SOX5: variants seen among roughly 807,000 people sequenced by gnomAD.
SOX5 encodes the protein transcription factor SOX-5.
In SOX5, 9 loss-of-function variants were observed where a neutral mutation model predicts 92.0. The observed-to-expected ratio is 0.10, with a 90% CI of 0.06 to 0.17. The LOEUF is 0.17. Ranked by LOEUF, SOX5 falls within the 10% of genes least tolerant of loss-of-function variation. SOX5 has a pLI of 1.00. For missense variants in SOX5, 642 were observed against 944.5 expected, an observed-to-expected ratio of 0.68 and a Z score of 4.20; for synonymous variants, 344 against 336.3, an observed-to-expected ratio of 1.02 and a Z score of -0.25.
chr12:24,516,965 C>G (rs71450440), intron 1 of SOX5, among the ~76,000 whole-genome samples: 3,455 of 152,160 alleles, frequency 0.023, 53 homozygotes, highest in Middle Eastern at 0.051. Context: ...TAGAATTAGT[C>G]TAAAAATCTT....
chr12:24,443,244 C>T (rs1051368652), intron 1 of SOX5, among the ~76,000 whole-genome samples: 15 of 152,302 alleles, frequency 9.8e-5, no homozygotes, highest in Middle Eastern at 3.4e-3. Flanking sequence ...TGAGCCACCA[C>T]GCCCGGCCAG....
intron 1 of SOX5, among the ~76,000 whole-genome samples, chr12:24,376,359 C>T (rs1244475680): frequency 6.6e-5 from 10 of 152,144 alleles, no homozygotes; most frequent in South Asian, 2.1e-4. Context: ...CAGGGTATTA[C>T]GTTAATCACA....
chr12:24,040,473 C>G (rs774003372), intron 4 of SOX5, among the ~76,000 whole-genome samples: 3 of 152,114 alleles, frequency 2.0e-5, no homozygotes, highest in Non-Finnish European at 4.4e-5. Flanking sequence ...TGTGGTTGTT[C>G]AAAAACTACA....
intron 4 of SOX5, among the ~76,000 whole-genome samples, chr12:23,752,102 C>G (rs925999323): frequency 3.3e-5 from 5 of 151,054 alleles, no homozygotes; most frequent in Admixed American, 2.0e-4. Context: ...AAACCAGGCT[C>G]TAAAAAACTC....
intron 2 of SOX5, among the ~76,000 whole-genome samples, chr12:24,296,793 C>A (rs192062722): frequency 1.4e-3 from 207 of 144,266 alleles, no homozygotes; most frequent in Non-Finnish European, 2.6e-3. Flanking sequence ...GAAAGCAAAT[C>A]TGTAATCGGC....
Position 23,740,900 on chromosome 12 carries a change from C to A in SOX5, c.708G>T (p.Gln236His). ...LAASQIEKQRQQMELAKQQQE... is the reference protein window; with the variant it reads ...LAASQIEKQRHQMELAKQQQE... Reference sequence around the variant, plus strand: ...GTTGCTGCTTGGCCAGCTCCATTTGCTGACGCTGTTTCTCAATCTGAGAGG... The same window carrying A: ...GTTGCTGCTTGGCCAGCTCCATTTGATGACGCTGTTTCTCAATCTGAGAGG... The change falls in exon 5 of 15, where the codon CAG (glutamine) becomes CAT (histidine). Residue 236 changes from glutamine (Q) to histidine (H), a missense_variant. Transcript: ENST00000451604. 2 of 1,612,744 alleles carry A rather than the reference C, an allele frequency of 1.2e-6. No individual in the cohort carries two copies. Among genetic ancestry groups the A allele is most frequent in the Non-Finnish European group, 1.7e-6 (2 of 1,179,074 alleles).
At chr12:23,572,352 T>G (rs1948498490) in intron 10 of SOX5, among the ~76,000 whole-genome samples, 4 of 152,168 alleles carry the variant, frequency 2.6e-5, no homozygotes. Flanking sequence ...CATTAAAGTT[T>G]CAGCTTTCAA....
chr12:24,178,266 C>A (rs1309383882), intron 4 of SOX5, among the ~76,000 whole-genome samples: 1 of 115,558 alleles, frequency 8.7e-6, no homozygotes, highest in African/African-American at 3.1e-5. Flanking sequence ...TTTTTTTTTT[C>A]CCATTTAAGC....
At chr12:23,934,342 C>A (rs1476845278) in intron 1 of SOX5, among the ~76,000 whole-genome samples, 1 of 150,724 alleles carries the variant, frequency 6.6e-6, no homozygotes, top group African/African-American at 2.4e-5. Context: ...TATATATACA[C>A]ATACATACAT....
chr12:23,849,389 C>T (rs997986675), intron 2 of SOX5, among the ~76,000 whole-genome samples: 12 of 152,156 alleles, frequency 7.9e-5, no homozygotes, highest in Admixed American at 3.3e-4. Flanking sequence ...CATGTATTAA[C>T]TCAATCTTCA....
intron 7 of SOX5, among the ~76,000 whole-genome samples, chr12:23,645,346 G>C (rs966966230): frequency 6.6e-6 from 1 of 152,148 alleles, no homozygotes; most frequent in African/African-American, 2.4e-5. Flanking sequence ...TAAATAACAG[G>C]TGATAGAATA....
intron 3 of SOX5, among the ~76,000 whole-genome samples, chr12:23,841,110 A>G (rs1386895313): frequency 6.6e-6 from 1 of 152,140 alleles, no homozygotes; most frequent in African/African-American, 2.4e-5. Flanking sequence ...TATACAAAAT[A>G]TACTAAGAAC....
chr12:24,488,290 T>A (rs1055690884), intron 1 of SOX5, among the ~76,000 whole-genome samples: 12 of 152,076 alleles, frequency 7.9e-5, no homozygotes, highest in African/African-American at 1.7e-4. Flanking sequence ...ATCAACATGT[T>A]GCAAAAAGAT....
chr12:24,531,019 G>C (rs1566404865), intron 1 of SOX5, among the ~76,000 whole-genome samples: 2 of 152,234 alleles, frequency 1.3e-5, no homozygotes, highest in East Asian at 3.9e-4. Flanking sequence ...ATATAAGTTA[G>C]TTGTGAAACT....
At chr12:24,247,674 G>A (rs150805248) in intron 3 of SOX5, among the ~76,000 whole-genome samples, 270 of 145,008 alleles carry the variant, frequency 1.9e-3, no homozygotes, top group Non-Finnish European at 3.2e-3. Flanking sequence ...TTTTTGAGGC[G>A]GAGTTTTGCT....
At chr12:24,441,682 T>C (rs914452643) in intron 1 of SOX5, among the ~76,000 whole-genome samples, 2 of 152,112 alleles carry the variant, frequency 1.3e-5, no homozygotes, top group African/African-American at 2.4e-5. Context: ...ATATAAAAAG[T>C]TGACAAAACA....
intron 4 of SOX5, among the ~76,000 whole-genome samples, chr12:24,135,181 C>T (rs12309389): frequency 0.097 from 14,736 of 152,256 alleles, 787 homozygotes; most frequent in Non-Finnish European, 0.12. Context: ...TGGGAATACC[C>T]ATTTGCTGCT....
At chr12:24,112,938 A>C (rs1024528233) in intron 4 of SOX5, among the ~76,000 whole-genome samples, 4 of 151,666 alleles carry the variant, frequency 2.6e-5, no homozygotes, top group Non-Finnish European at 5.9e-5. Context: ...GTTTATTCTT[A>C]TTTTCCTTAT....
chr12:24,208,917 A>G (rs1327444214), intron 4 of SOX5, among the ~76,000 whole-genome samples: 1 of 152,206 alleles, frequency 6.6e-6, no homozygotes, highest in East Asian at 1.9e-4. Flanking sequence ...ATTTAGCATG[A>G]TAACGGTTAT....
Sources: gnomAD v4.1 joint callset for allele counts (sites outside exome capture counted in the v4.1 genomes callset) on GRCh38, gnomAD v4.1.1 for gene constraint, MANE v1.5 for transcripts, NCBI Gene and HGNC (gene_info 2026-07-23, HGNC 2026-07-21) for gene names.